Variants in RBFOX3 observed in about 807,000 individuals in gnomAD.
The protein encoded by RBFOX3 is RNA binding protein fox-1 homolog 3.
Under a neutral mutation model 48.7 loss-of-function variants are expected in RBFOX3, and 17 were observed. The ratio of observed to expected loss-of-function variants is 0.35; its 90% confidence interval spans 0.24 to 0.52. The LOEUF (loss-of-function observed/expected upper bound fraction) is 0.52, where lower values mean the gene tolerates loss of function less well. Among genes scored for constraint, RBFOX3 ranks in the 20% least tolerant of loss-of-function variants. RBFOX3 has a pLI of 0.94. For synonymous variants in RBFOX3, 212 were observed against 209.5 expected, an observed-to-expected ratio of 1.01 and a Z score of -0.10; for missense variants, 382 against 497.5, an observed-to-expected ratio of 0.77 and a Z score of 2.21.
chr17:79,202,780 G>T (rs550593676), intron 4 of RBFOX3, among the ~76,000 whole-genome samples: 1 of 152,240 alleles, frequency 6.6e-6, no homozygotes, highest in South Asian at 2.1e-4. Flanking sequence ...TTACTGCCAC[G>T]TGGGACTCCT....
intron 4 of RBFOX3, among the ~76,000 whole-genome samples, chr17:79,128,747 G>A (rs141395132): frequency 1.3e-5 from 2 of 152,312 alleles, no homozygotes; most frequent in African/African-American, 2.4e-5. Context: ...GTGCCAGGAC[G>A]GGCAGCTCAG....
chr17:79,489,211 A>T (rs75109193), intron 1 of RBFOX3, among the ~76,000 whole-genome samples: 57,337 of 147,426 alleles, frequency 0.39, 11,352 homozygotes, highest in East Asian at 0.63. Context: ...AGAGCGGAAC[A>T]TTTTAGCCTT....
At chr17:79,508,565 A>C (rs926357327) in intron 1 of RBFOX3, among the ~76,000 whole-genome samples, 13 of 152,268 alleles carry the variant, frequency 8.5e-5, no homozygotes, top group Non-Finnish European at 1.3e-4. Flanking sequence ...AGCTGACTGG[A>C]GTTTTAATGA....
rs2061364508 is a variant in RBFOX3 at position 79,391,429 on chromosome 17, A to G, written c.-174-83605T>C. On this transcript the variant is annotated intron_variant, in intron 2 of 14. Coordinates refer to ENST00000693108, the MANE Select transcript of RBFOX3 (RefSeq NM_001350451.2). This position sits in a 1 kb window ranked among gnomAD's most constrained non-coding sequence, Gnocchi z 5.0. ...AGGTTACCTAACTTCTCTGAGCCTC[A>G]GTCTCCTCTGCTTAATAATGGGTGG... is the stretch of plus-strand genomic sequence containing the variant. Among the ~76,000 whole-genome samples the G allele has an allele frequency of 6.6e-6, 1 of 152,136 alleles. No homozygotes were observed. The highest frequency in any genetic ancestry group is 1.5e-5 in the Non-Finnish European group (1 of 68,030).
At chr17:79,612,169 A>C (rs996949016), upstream of RBFOX3, among the ~76,000 whole-genome samples, 1 of 152,180 alleles carries the variant, frequency 6.6e-6, no homozygotes, top group Non-Finnish European at 1.5e-5. Flanking sequence ...CTGAGTAATC[A>C]TTTCCAAAAC....
intron 1 of RBFOX3, among the ~76,000 whole-genome samples, chr17:79,519,850 A>G (rs1254434873): frequency 1.3e-5 from 2 of 152,232 alleles, no homozygotes; most frequent in Admixed American, 6.5e-5. Context: ...GCTGTCCCGC[A>G]TGGCTGCTGC....
chr17:79,293,571 G>T (rs1240870831), intron 3 of RBFOX3, among the ~76,000 whole-genome samples: 1 of 151,892 alleles, frequency 6.6e-6, no homozygotes, highest in East Asian at 1.9e-4. Flanking sequence ...TCCTGCCTCA[G>T]CCTCCTGAGT....
intron 2 of RBFOX3, among the ~76,000 whole-genome samples, chr17:79,357,449 G>A (rs1371248055): frequency 6.6e-6 from 1 of 152,170 alleles, no homozygotes; most frequent in Non-Finnish European, 1.5e-5. Flanking sequence ...TCAACATGGT[G>A]AAACCCTGTC....
At position 79,448,439 on chromosome 17, in the gene RBFOX3, T is replaced by A. The variant is rs189899908; in HGVS notation, c.-175+34015A>T. Among the ~76,000 whole-genome samples the A allele has an allele frequency of 1.4e-3, 218 of 152,158 alleles. 1 individual carries two copies. The highest frequency in any genetic ancestry group is 3.4e-3 in the Middle Eastern group (1 of 294). On this transcript the variant is annotated intron_variant, in intron 2 of 14. Transcript: ENST00000693108. ...TGGGCCCTAAATCCAGGGATCAGTG[T>A]CCTCATAAGAAACAGAAGAGAAGAA...
chr17:79,428,656 C>T (rs868916705), intron 2 of RBFOX3, among the ~76,000 whole-genome samples: 1 of 152,194 alleles, frequency 6.6e-6, no homozygotes, highest in African/African-American at 2.4e-5. Context: ...CAGACGCCCA[C>T]GTCCACACCC....
In RBFOX3 at chr17:79,214,862, A is replaced by G. The variant is rs952535287; in HGVS notation, c.-34+20904T>C. On this transcript the variant is annotated intron_variant, in intron 4 of 14. Coordinates refer to ENST00000693108, the MANE Select transcript of RBFOX3 (RefSeq NM_001350451.2). The surrounding 1 kb of genome is among the most constrained non-coding windows in gnomAD (Gnocchi z 4.7). ...AAACTTTAAAAAACATAATATTTAT[A>G]GAAAGCCTCATTCAGCTCACCCTGT... Among the ~76,000 whole-genome samples the G allele has an allele frequency of 1.3e-5, 2 of 152,348 alleles. No homozygotes were observed. The highest frequency in any genetic ancestry group is 2.1e-4 in the South Asian group (1 of 4,832).
rs1226374438 is a variant in RBFOX3 at position 79,269,021 on chromosome 17, G to C, written c.-73-33216C>G. Among the ~76,000 whole-genome samples the C allele has an allele frequency of 6.6e-5, 10 of 152,248 alleles. No homozygotes were observed. The South Asian group carries it at 1.9e-3, about 28-fold the overall frequency. On this transcript the variant is annotated intron_variant, in intron 3 of 14. Coordinates refer to ENST00000693108, the MANE Select transcript of RBFOX3 (RefSeq NM_001350451.2). ...AGAATGTGACCTCATTTGGAAATAG[G>C]ATCTTTGCAGTTAGCTAAGATCAGG...
At chr17:79,414,778 G>A (rs2065040161) in intron 2 of RBFOX3, among the ~76,000 whole-genome samples, 1 of 149,960 alleles carries the variant, frequency 6.7e-6, no homozygotes, top group Non-Finnish European at 1.5e-5. Flanking sequence ...CACTCCCGCT[G>A]GCGCGAACAG....
chr17:79,132,305 A>T (rs1281985538), intron 4 of RBFOX3, among the ~76,000 whole-genome samples: 1 of 152,078 alleles, frequency 6.6e-6, no homozygotes, highest in South Asian at 2.1e-4. Flanking sequence ...GCGTACGTAG[A>T]AGAGCACTGC....
At chr17:79,145,015 G>C (rs574664528) in intron 4 of RBFOX3, among the ~76,000 whole-genome samples, 1 of 152,290 alleles carries the variant, frequency 6.6e-6, no homozygotes, top group Admixed American at 6.5e-5. Flanking sequence ...ATGATGCCTC[G>C]AGGCTCTCAG....
intron 8 of RBFOX3, among the ~76,000 whole-genome samples, chr17:79,102,781 C>T (rs796503515): frequency 1.7e-4 from 26 of 152,288 alleles, no homozygotes; most frequent in African/African-American, 5.5e-4. Context: ...TGGGGACAGC[C>T]GCTGCTCCAT....
At chr17:79,118,092 G>C (rs983140557) in intron 4 of RBFOX3, among the ~76,000 whole-genome samples, 1 of 152,040 alleles carries the variant, frequency 6.6e-6, no homozygotes, top group South Asian at 2.1e-4. Flanking sequence ...CCTGCTCCCT[G>C]AAGCCCCCAG....
At chr17:79,131,430 C>T (rs1195626467) in intron 4 of RBFOX3, among the ~76,000 whole-genome samples, 5 of 152,210 alleles carry the variant, frequency 3.3e-5, no homozygotes, top group Admixed American at 2.6e-4. Flanking sequence ...CACCCACAGA[C>T]GCGGCTGCAA....
chr17:79,510,970 G>T (rs973101401), intron 1 of RBFOX3, among the ~76,000 whole-genome samples: 1 of 152,282 alleles, frequency 6.6e-6, no homozygotes, highest in African/African-American at 2.4e-5. Context: ...CATCCCAGGA[G>T]CCAAGAACCT....
Sources: allele counts gnomAD v4.1 joint callset (sites outside exome capture counted in the v4.1 genomes callset), GRCh38; gene constraint gnomAD v4.1.1; non-coding constraint Gnocchi (gnomAD v3.1); transcripts MANE v1.5; gene names NCBI Gene and HGNC (gene_info 2026-07-23, HGNC 2026-07-21).